Variants in BAZ2B observed in about 807,000 individuals in gnomAD.
The protein encoded by BAZ2B is bromodomain adjacent to zinc finger domain protein 2B.
A neutral mutation model predicts 246.0 loss-of-function variants in BAZ2B; 91 were observed. The observed-to-expected ratio is 0.37, with a 90% CI of 0.31 to 0.44. The LOEUF is 0.44. BAZ2B is among the 20% of genes least tolerant of loss of function. The probability of loss-of-function intolerance (pLI) is 1.00; values close to 1 mark genes in which losing one functional copy is unlikely to be tolerated. For synonymous variants in BAZ2B, 855 were observed against 860.0 expected (o/e 0.99, Z 0.10); for missense variants, 2,332 against 2,533.7 (o/e 0.92, Z 1.71).
chr2:159,340,220 G>C (rs1019948359), intron 31 of BAZ2B, among the ~76,000 whole-genome samples: 78 of 151,948 alleles, frequency 5.1e-4, no homozygotes, highest in African/African-American at 1.7e-3. Context: ...ACCAAGGGGT[G>C]GGGGGAAAGA....
intron 3 of BAZ2B, among the ~76,000 whole-genome samples, chr2:159,475,050 TGAA>T (rs1480390659): frequency 6.6e-6 from 1 of 152,122 alleles, no homozygotes; most frequent in African/African-American, 2.4e-5. Flanking sequence ...TTGCTTTTCT[TGAA>T]GAGTATCTTT....
At chr2:159,543,847 T>C (rs767845488) in intron 2 of BAZ2B, among the ~76,000 whole-genome samples, 7 of 152,254 alleles carry the variant, frequency 4.6e-5, no homozygotes, top group Non-Finnish European at 4.4e-5. Flanking sequence ...AATTCTTTCA[T>C]ATCAAACACT....
chr2:159,516,477 A>G (rs1380697920), intron 2 of BAZ2B: 1 of 152,556 alleles, frequency 6.6e-6, no homozygotes, highest in Non-Finnish European at 1.5e-5. Context: ...AATCCAAGTA[A>G]GCATTTACAA....
chr2:159,611,443 AG>A (rs1490492001), intron 1 of BAZ2B, among the ~76,000 whole-genome samples: 2 of 151,908 alleles, frequency 1.3e-5, no homozygotes, highest in Non-Finnish European at 2.9e-5. Flanking sequence ...CTATGTAAAA[AG>A]GGTTGAGAAA....
the BAZ2B span, among the ~76,000 whole-genome samples, chr2:159,666,605 C>G: frequency 6.6e-6 from 1 of 152,024 alleles, no homozygotes; most frequent in Non-Finnish European, 1.5e-5. Flanking sequence ...CATGGTAATC[C>G]CAGCATTTAG....
At position 159,320,208 on chromosome 2, in the gene BAZ2B, T is replaced by A; in HGVS notation, c.*57A>T. ...CACGTTTATGTAAATACAGTTCACA[T>A]TGCTGGTCTCATTTGTCCTTGTTTA... On this transcript the variant is annotated 3_prime_UTR_variant, in exon 37 of 37. Transcript: ENST00000392783. 5 of 1,407,340 alleles carry A rather than the reference T, an allele frequency of 3.6e-6. No individual in the cohort carries two copies. The highest frequency in any genetic ancestry group is 2.4e-4 in the Middle Eastern group (1 of 4,188). 87.2% of individuals were successfully genotyped at this position (1,407,340 alleles called of 1,614,324 possible). A position where few individuals can be genotyped will look rare whatever the true frequency, so the allele number is the denominator to read the frequency against.
intron 1 of BAZ2B, among the ~76,000 whole-genome samples, chr2:159,604,968 G>C (rs950018447): frequency 6.6e-6 from 1 of 152,008 alleles, no homozygotes; most frequent in Non-Finnish European, 1.5e-5. Flanking sequence ...GTGTGCGCGC[G>C]CTAGGAGAGA....
the BAZ2B span, among the ~76,000 whole-genome samples, chr2:159,659,034 T>C: frequency 5.9e-5 from 9 of 152,198 alleles, no homozygotes; most frequent in African/African-American, 9.6e-5. Flanking sequence ...TTGTCTAGTC[T>C]AGTTTGGGTA....
At chr2:159,539,702 C>G (rs1343475926) in intron 2 of BAZ2B, among the ~76,000 whole-genome samples, 2 of 152,164 alleles carry the variant, frequency 1.3e-5, no homozygotes, top group East Asian at 3.8e-4. Context: ...ATACTGAGAC[C>G]CTGTCTGTAT....
rs781194323 is a variant in BAZ2B, at chr2:159,453,807, A to AG, written c.146-7dup. On this transcript the variant is annotated splice_polypyrimidine_tract_variant and splice_region_variant and intron_variant, in intron 3 of 36. Transcript: ENST00000392783. Reference sequence around the variant, plus strand: ...AGCTGTTCTGAATAAATGTCCTGGGAGGGAAAAAAACACACTTAAAGTTGT... The same window carrying AG: ...AGCTGTTCTGAATAAATGTCCTGGGAGGGGAAAAAAACACACTTAAAGTTGT... 28 of 1,575,236 alleles carry AG rather than the reference A, an allele frequency of 1.8e-5. No homozygotes were observed. Among genetic ancestry groups the AG allele is most frequent in the Admixed American group, 1.3e-4 (7 of 55,688 alleles).
intron 1 of BAZ2B, among the ~76,000 whole-genome samples, chr2:159,607,700 T>C (rs754842813): frequency 2.0e-5 from 3 of 152,220 alleles, no homozygotes; most frequent in African/African-American, 2.4e-5. Context: ...ATTTGTTCTA[T>C]AATAGGCTTA....
chr2:159,350,431 CTT>C (rs2058428708), intron 27 of BAZ2B, 74 bp from the exon 28 acceptor site: 1 of 1,305,324 alleles, frequency 7.7e-7, no homozygotes. Flanking sequence ...TTTCATTACT[CTT>C]TATCAAATTA....
chr2:159,414,971 C>T (rs1439877734), intron 13 of BAZ2B, among the ~76,000 whole-genome samples: 2 of 152,026 alleles, frequency 1.3e-5, no homozygotes, highest in African/African-American at 4.8e-5. Flanking sequence ...TGGAACCATT[C>T]CTTCAACAAA....
the BAZ2B span, chr2:159,695,114 T>C: frequency 1.1e-4 from 16 of 152,246 alleles, no homozygotes; most frequent in Admixed American, 3.3e-4. Flanking sequence ...TATGCATTTA[T>C]TGACTATTTT....
intron 3 of BAZ2B, among the ~76,000 whole-genome samples, chr2:159,466,610 A>G (rs185997617): frequency 3.5e-4 from 54 of 152,362 alleles, no homozygotes; most frequent in African/African-American, 1.0e-3. Context: ...GTATTAGTCA[A>G]GATTCTTCAC....
intron 31 of BAZ2B, among the ~76,000 whole-genome samples, chr2:159,340,328 G>A (rs2066436530): frequency 6.6e-6 from 1 of 152,090 alleles, no homozygotes; most frequent in African/African-American, 2.4e-5. Flanking sequence ...GGGTGTTACA[G>A]AAGGTGAAGA....
At chr2:159,322,417 C>T (rs1004634036) in intron 36 of BAZ2B, among the ~76,000 whole-genome samples, 2 of 152,192 alleles carry the variant, frequency 1.3e-5, no homozygotes, top group Non-Finnish European at 2.9e-5. Context: ...CCCATTCCTC[C>T]CTCTTCCCAG....
the BAZ2B span, among the ~76,000 whole-genome samples, chr2:159,623,666 G>A: frequency 2.0e-5 from 3 of 151,930 alleles, no homozygotes; most frequent in African/African-American, 4.8e-5. Context: ...CCCCAACAAG[G>A]GAGAATTTGG....
intron 21 of BAZ2B, 94 bp from the exon 22 acceptor site, chr2:159,386,701 T>C: frequency 7.5e-7 from 1 of 1,339,084 alleles, no homozygotes. Flanking sequence ...AGCTGCTACC[T>C]TTTTTCCCCT....
Sources: gnomAD v4.1 joint callset for allele counts (sites outside exome capture counted in the v4.1 genomes callset) on GRCh38, gnomAD v4.1.1 for gene constraint, MANE v1.5 for transcripts, NCBI Gene and HGNC (gene_info 2026-07-23, HGNC 2026-07-21) for gene names.